Variants in BMPER observed in about 807,000 individuals in gnomAD.
The protein encoded by BMPER is BMP binding endothelial regulator.
BMPER carries 45 observed loss-of-function variants against 87.3 expected under a neutral mutation model. The observed-to-expected ratio is 0.52, with a 90% confidence interval of 0.41 to 0.66. The LOEUF is 0.66. Ranked by LOEUF, BMPER falls within the 30% of genes least tolerant of loss-of-function variation. The pLI, the probability that BMPER is intolerant of heterozygous loss-of-function variation, is 0.00. For synonymous variants in BMPER, 326 were observed against 316.2 expected, an observed-to-expected ratio of 1.03 and a Z score of -0.33; for missense variants, 784 against 867.5, an observed-to-expected ratio of 0.90 and a Z score of 1.21.
At chr7:33,963,925 G>T (rs1467420397) in intron 3 of BMPER, among the ~76,000 whole-genome samples, 1 of 152,192 alleles carries the variant, frequency 6.6e-6, no homozygotes, top group Non-Finnish European at 1.5e-5. Flanking sequence ...ATAAGAGATA[G>T]TATATTCCAT....
intron 14 of BMPER, among the ~76,000 whole-genome samples, chr7:34,144,631 G>A (rs1790971704): frequency 6.6e-6 from 1 of 152,072 alleles, no homozygotes; most frequent in South Asian, 2.1e-4. Flanking sequence ...CTGCTATCTA[G>A]TTACAAACAT....
In BMPER at chr7:34,046,362, C is replaced by T. The variant is rs145790246; in HGVS notation, c.633C>T (p.His211=). The T allele has an allele frequency of 6.2e-7, 1 of 1,613,960 alleles. No individual in the cohort carries two copies. Among genetic ancestry groups the T allele is most frequent in the Non-Finnish European group, 8.5e-7 (1 of 1,179,984 alleles). ...GTCCCATTCTCTCCTGTCCCCAGCA[C>T]CTTAGTCACATACCCCCAGGACAGT... The part of the protein sequence containing the change: ...EVCPILSCPQ[H]LSHIPPGQCC... The change falls in exon 7 of 15, where the codon CAC becomes CAT. Residue 211 remains histidine, a synonymous_variant. Coordinates refer to ENST00000649409, the MANE Select transcript of BMPER (RefSeq NM_001365308.1).
At position 34,079,582 on chromosome 7, in the gene BMPER, G is replaced by T. The variant is rs1310946414; in HGVS notation, c.1408+396G>T. ...TTGTCAGTGTCTCCCAGCTCAGCTA[G>T]CTATGTGCAGTTTCACATCTGGGAG... On this transcript the variant is annotated intron_variant, in intron 12 of 14. Transcript: ENST00000649409. 2.0e-5 allele frequency among the ~76,000 whole-genome samples: 3 copies of T among 152,274 alleles called. No individual in the cohort carries two copies. The East Asian group carries it at 5.8e-4, about 29-fold the overall frequency.
At chr7:34,004,076 C>G (rs892657638) in intron 6 of BMPER, among the ~76,000 whole-genome samples, 3 of 152,098 alleles carry the variant, frequency 2.0e-5, no homozygotes, top group African/African-American at 7.2e-5. Flanking sequence ...CTCTGAGACT[C>G]ATTTTTCTCC....
At chr7:33,911,076 A>G (rs867676335) in intron 2 of BMPER, among the ~76,000 whole-genome samples, 2 of 152,258 alleles carry the variant, frequency 1.3e-5, no homozygotes, top group African/African-American at 4.8e-5. Flanking sequence ...GCACAAATAC[A>G]TAGATTGCCT....
intron 13 of BMPER, among the ~76,000 whole-genome samples, chr7:34,101,482 A>G (rs1482438314): frequency 6.6e-6 from 1 of 152,254 alleles, no homozygotes; most frequent in Non-Finnish European, 1.5e-5. Flanking sequence ...GATGATGCAG[A>G]AATAAGGCAA....
In BMPER at chr7:34,145,394, C is replaced by T. The variant is rs1790991038; in HGVS notation, c.1876+2034C>T. On this transcript the variant is annotated intron_variant, in intron 14 of 14. Transcript: ENST00000649409. Reference sequence around the variant, plus strand: ...TTATATCAGAGTTCACCTTCCACAGCAAGTGTGCCACTCTATCAATGCTGC... The same window carrying T: ...TTATATCAGAGTTCACCTTCCACAGTAAGTGTGCCACTCTATCAATGCTGC... Among the ~76,000 whole-genome samples, 3 of 152,192 alleles carry T rather than the reference C, an allele frequency of 2.0e-5. No homozygotes were observed. The South Asian group carries it at 6.2e-4, about 32-fold the overall frequency.
intron 6 of BMPER, among the ~76,000 whole-genome samples, chr7:34,017,380 T>C (rs1384351923): frequency 6.6e-6 from 1 of 151,734 alleles, no homozygotes; most frequent in Non-Finnish European, 1.5e-5. Flanking sequence ...GGAAGGTGAA[T>C]GGAGGACTCA....
intron 2 of BMPER, among the ~76,000 whole-genome samples, chr7:33,910,867 C>G (rs1783943975): frequency 1.3e-5 from 2 of 152,254 alleles, no homozygotes; most frequent in South Asian, 2.1e-4. Context: ...CCATAAAATC[C>G]TCATGTTCTT....
chr7:33,944,484 A>G (rs537561008), intron 3 of BMPER, among the ~76,000 whole-genome samples: 25 of 152,296 alleles, frequency 1.6e-4, no homozygotes, highest in African/African-American at 5.3e-4. Context: ...GATTTTCTCA[A>G]TGGGAAATAT....
chr7:34,118,919 T>C (rs1350751677), intron 13 of BMPER, among the ~76,000 whole-genome samples: 1 of 151,810 alleles, frequency 6.6e-6, no homozygotes, highest in Non-Finnish European at 1.5e-5. Flanking sequence ...GCCAGGCTAC[T>C]CTACAGATTT....
Position 34,051,118 on chromosome 7 carries a change from T to A in BMPER, c.677-743T>A, listed in dbSNP as rs567906166. On this transcript the variant is annotated intron_variant, in intron 7 of 14. Transcript: ENST00000649409. ...TAGTTGGTGTCTTCTTACTTTGTTG[T>A]CACGTCGTGGTGAGGGTTCTCTCTG... Among the ~76,000 whole-genome samples, 6 of 152,310 alleles carry A rather than the reference T, an allele frequency of 3.9e-5. No homozygotes were observed. In the South Asian group the frequency reaches 1.2e-3, roughly 32 times the overall value.
intron 7 of BMPER, among the ~76,000 whole-genome samples, chr7:34,048,238 G>A (rs1045460402): frequency 6.6e-6 from 1 of 152,034 alleles, no homozygotes; most frequent in East Asian, 1.9e-4. Context: ...GACAAATAAA[G>A]GTATTTTTTA....
intron 14 of BMPER, among the ~76,000 whole-genome samples, chr7:34,147,180 C>G (rs928511192): frequency 6.6e-6 from 1 of 152,198 alleles, no homozygotes; most frequent in Non-Finnish European, 1.5e-5. Context: ...CCAGATGGTT[C>G]TAGCTCCTTC....
At chr7:34,048,694 T>C (rs568268606) in intron 7 of BMPER, among the ~76,000 whole-genome samples, 13 of 152,336 alleles carry the variant, frequency 8.5e-5, no homozygotes, top group African/African-American at 2.6e-4. Context: ...CAACAGCTAC[T>C]GTATTGAATG....
chr7:34,008,440 C>G (rs1786791677), intron 6 of BMPER, among the ~76,000 whole-genome samples: 1 of 151,668 alleles, frequency 6.6e-6, no homozygotes, highest in Non-Finnish European at 1.5e-5. Flanking sequence ...GCCTTTCCCA[C>G]TTTGAGATTA....
Position 33,928,402 on chromosome 7 carries a change from G to A in BMPER, c.220-8887G>A, listed in dbSNP as rs143276720. On this transcript the variant is annotated intron_variant, in intron 2 of 14. Coordinates refer to ENST00000649409, the MANE Select transcript of BMPER (RefSeq NM_001365308.1). ...TTGCCAGCAGACCCTTTGCTTATAC[G>A]ACGCGCAGTCTAATAAAAAACAGGC... Among the ~76,000 whole-genome samples the A allele has an allele frequency of 2.5e-4, 38 of 152,044 alleles. No homozygotes were observed. In the East Asian group the frequency reaches 6.8e-3, roughly 27 times the overall value.
rs192211249 is a variant in BMPER at position 34,115,505 on chromosome 7, C to T, written c.1746-27725C>T. Among the ~76,000 whole-genome samples the T allele has an allele frequency of 9.6e-4, 146 of 152,294 alleles. 1 individual carries two copies. Among genetic ancestry groups the T allele is most frequent in the Non-Finnish European group, 4.6e-4 (31 of 67,998 alleles). ...TTTAGTAATCACTCTCCTTTTCCAC[C>T]TTATCCCTAGCCCTTGGTAACCACT... On this transcript the variant is annotated intron_variant, in intron 13 of 14. Coordinates refer to ENST00000649409, the MANE Select transcript of BMPER (RefSeq NM_001365308.1).
rs34212344 is a variant in BMPER at position 34,156,115 on chromosome 7, C to T, written c.*2842C>T. 0.034 allele frequency among the ~76,000 whole-genome samples: 5,167 copies of T among 152,270 alleles called. 89 individuals are homozygous for T. Among genetic ancestry groups the T allele is most frequent in the Non-Finnish European group, 0.044 (2,987 of 68,022 alleles). On this transcript the variant is annotated 3_prime_UTR_variant, in exon 15 of 15. Transcript: ENST00000649409. Reference sequence around the variant, plus strand: ...CACTAACTCTTCAGGTTGAAGGCCTCACTCATCTTAACTCGTTGACTGCTT... The same window carrying T: ...CACTAACTCTTCAGGTTGAAGGCCTTACTCATCTTAACTCGTTGACTGCTT...
Sources: gnomAD v4.1 joint callset for allele counts (sites outside exome capture counted in the v4.1 genomes callset) on GRCh38, gnomAD v4.1.1 for gene constraint, MANE v1.5 for transcripts, NCBI Gene and HGNC (gene_info 2026-07-23, HGNC 2026-07-21) for gene names.